Variants in PCLO observed in about 807,000 individuals in gnomAD.
PCLO encodes the protein protein piccolo.
PCLO carries 82 observed loss-of-function variants against 427.5 expected under a neutral mutation model. The ratio of observed to expected loss-of-function variants is 0.19; its 90% CI spans 0.16 to 0.23. PCLO has a LOEUF of 0.23. PCLO is among the 10% of genes least tolerant of loss of function. The pLI is 1.00. For missense variants in PCLO, 6,239 were observed against 6,115.9 expected (o/e 1.02, Z -0.67); for synonymous variants, 2,357 against 2,155.4 (o/e 1.09, Z -2.59).
intron 10 of PCLO, among the ~76,000 whole-genome samples, chr7:82,861,103 T>C (rs745351295): frequency 3.9e-5 from 6 of 151,984 alleles, no homozygotes; most frequent in Non-Finnish European, 8.8e-5. Context: ...GGCTCTAACT[T>C]ATCAGTAATA....
At chr7:83,108,078 T>C (rs1584034733) in intron 3 of PCLO, among the ~76,000 whole-genome samples, 2 of 149,688 alleles carry the variant, frequency 1.3e-5, no homozygotes, top group South Asian at 4.2e-4. Flanking sequence ...TCTTTGGCAA[T>C]AGTTATGGCC....
At chr7:83,010,360 C>T (rs992287958) in intron 3 of PCLO, among the ~76,000 whole-genome samples, 6 of 151,762 alleles carry the variant, frequency 4.0e-5, no homozygotes, top group Admixed American at 2.6e-4. Flanking sequence ...CAACAAAACC[C>T]TTCCAATCTA....
chr7:83,067,443 A>G (rs752618512), intron 3 of PCLO, among the ~76,000 whole-genome samples: 1 of 152,220 alleles, frequency 6.6e-6, no homozygotes, highest in East Asian at 1.9e-4. Context: ...GTTTCAAAGC[A>G]GGGACTTTAC....
intron 3 of PCLO, among the ~76,000 whole-genome samples, chr7:83,015,834 T>C (rs753037048): frequency 2.2e-4 from 34 of 152,148 alleles, no homozygotes; most frequent in Non-Finnish European, 4.6e-4. Context: ...TTAGAAAAGG[T>C]CCTAGAATGT....
chr7:82,890,803 T>C (rs1793744136), intron 9 of PCLO, among the ~76,000 whole-genome samples: 1 of 151,960 alleles, frequency 6.6e-6, no homozygotes, highest in Non-Finnish European at 1.5e-5. Flanking sequence ...TATAAACACT[T>C]ATAATCAAGG....
intron 12 of PCLO, 132 bp downstream of exon 12, chr7:82,846,435 T>C (rs753422169): frequency 6.4e-6 from 4 of 622,990 alleles, no homozygotes; most frequent in South Asian, 2.0e-5. Context: ...CATAAAAAAA[T>C]CTATCCATAA....
At chr7:83,144,629 T>C (rs1372611908) in intron 2 of PCLO, among the ~76,000 whole-genome samples, 2 of 152,186 alleles carry the variant, frequency 1.3e-5, no homozygotes, top group African/African-American at 4.8e-5. Flanking sequence ...ATTAATCCGA[T>C]TAATCTGCAT....
At chr7:82,815,712 AT>A (rs575266234) in intron 20 of PCLO, among the ~76,000 whole-genome samples, 52 of 152,082 alleles carry the variant, frequency 3.4e-4, no homozygotes, top group African/African-American at 1.2e-3. Flanking sequence ...CTTCTGAAAA[AT>A]TTTTCTGCCT....
chr7:82,860,617 G>C (rs1410617386), intron 10 of PCLO, among the ~76,000 whole-genome samples: 1 of 151,830 alleles, frequency 6.6e-6, no homozygotes, highest in South Asian at 2.1e-4. Flanking sequence ...ATCACCTGAT[G>C]GTCCAAAATT....
chr7:82,839,172 T>C (rs1005270544), intron 14 of PCLO, among the ~76,000 whole-genome samples: 1 of 152,046 alleles, frequency 6.6e-6, no homozygotes, highest in African/African-American at 2.4e-5. Flanking sequence ...TGTTAAATAA[T>C]AGAGTGGAAG....
chr7:83,019,102 A>G (rs111430820), intron 3 of PCLO, among the ~76,000 whole-genome samples: 3,606 of 152,136 alleles, frequency 0.024, 153 homozygotes, highest in African/African-American at 0.082. Flanking sequence ...AAATCAAGAC[A>G]TTTATACATG....
rs755065792 is a variant in PCLO at position 82,755,044 on chromosome 7, T to C, written c.*3531A>G. 1 of 152,052 alleles carries C rather than the reference T, an allele frequency of 6.6e-6. No individual in the cohort carries two copies. Among genetic ancestry groups the C allele is most frequent in the African/African-American group, 2.4e-5 (1 of 41,428 alleles). 9.4% of individuals were successfully genotyped at this position (152,052 alleles called of 1,614,324 possible). A position where few individuals can be genotyped will look rare whatever the true frequency, so the allele number is the denominator to read the frequency against. ...ATTGATCAAATAATTTCTAATAAATTGGGCACAATATAATATATACTTTTA... is the reference window on the plus strand; with the variant it reads ...ATTGATCAAATAATTTCTAATAAATCGGGCACAATATAATATATACTTTTA... On this transcript the variant is annotated 3_prime_UTR_variant, in exon 25 of 25. Coordinates refer to ENST00000333891, the MANE Select transcript of PCLO (RefSeq NM_033026.6).
intron 3 of PCLO, among the ~76,000 whole-genome samples, chr7:83,008,245 A>T (rs1313360827): frequency 6.6e-6 from 1 of 151,722 alleles, no homozygotes; most frequent in Non-Finnish European, 1.5e-5. Flanking sequence ...TTAATGTTTT[A>T]CATTTAAGAG....
At chr7:83,125,424 C>CT (rs1562976796) in intron 3 of PCLO, among the ~76,000 whole-genome samples, 2 of 152,132 alleles carry the variant, frequency 1.3e-5, no homozygotes, top group Non-Finnish European at 2.9e-5. Context: ...GCCATGATGA[C>CT]GATGGTGGTT....
At chr7:83,105,531 AGCATCTTTC>A (rs1790832879) in intron 3 of PCLO, among the ~76,000 whole-genome samples, 1 of 146,230 alleles carries the variant, frequency 6.8e-6, no homozygotes, top group Admixed American at 7.4e-5. Flanking sequence ...TAAAATACTA[AGCATCTTTC>A]ATGGCTGTGG....
intron 19 of PCLO, among the ~76,000 whole-genome samples, chr7:82,823,105 C>T (rs1791837250): frequency 6.6e-6 from 1 of 152,040 alleles, no homozygotes; most frequent in African/African-American, 2.4e-5. Context: ...ATGCCTCAAA[C>T]CATTGTAGAG....
intron 3 of PCLO, among the ~76,000 whole-genome samples, chr7:83,103,503 A>G (rs1249455782): frequency 6.6e-6 from 1 of 151,932 alleles, no homozygotes; most frequent in African/African-American, 2.4e-5. Flanking sequence ...CTATATACAA[A>G]AATCACTATG....
chr7:82,972,299 G>A (rs1795924461), intron 3 of PCLO, among the ~76,000 whole-genome samples: 1 of 151,960 alleles, frequency 6.6e-6, no homozygotes, highest in African/African-American at 2.4e-5. Context: ...ACCCAGAGAA[G>A]GGATGCTACT....
chr7:82,812,945 T>C (rs1202936571), intron 20 of PCLO, among the ~76,000 whole-genome samples: 1 of 151,540 alleles, frequency 6.6e-6, no homozygotes, highest in Middle Eastern at 3.2e-3. Flanking sequence ...TAAAGACTAC[T>C]GTAAAACATG....
Sources: gnomAD v4.1 joint callset for allele counts (sites outside exome capture counted in the v4.1 genomes callset) on GRCh38, gnomAD v4.1.1 for gene constraint, MANE v1.5 for transcripts, NCBI Gene and HGNC (gene_info 2026-07-23, HGNC 2026-07-21) for gene names.